The following RAB27B variants were observed in gnomAD, a reference collection of about 807,000 sequenced individuals.
RAB27B encodes the protein ras-related protein Rab-27B.
RAB27B carries 15 observed loss-of-function variants against 24.6 expected under a neutral mutation model. That is an observed-to-expected ratio of 0.61 (90% CI 0.41 to 0.94). RAB27B has a LOEUF of 0.94. Ranked by LOEUF, RAB27B falls within the 40% of genes least tolerant of loss-of-function variation. RAB27B has a pLI of 0.00. For missense variants in RAB27B, 261 were observed against 266.8 expected, an observed-to-expected ratio of 0.98 and a Z score of 0.15; for synonymous variants, 105 against 92.5, an observed-to-expected ratio of 1.14 and a Z score of -0.78.
chr18:54,730,884 A>C (rs1424554129), intron 2 of RAB27B, among the ~76,000 whole-genome samples: 4 of 152,198 alleles, frequency 2.6e-5, no homozygotes, highest in African/African-American at 7.2e-5. Context: ...GAACGTACTA[A>C]CACACTACAT....
At chr18:54,795,970 C>T (rs1274923405) in intron 2 of RAB27B, among the ~76,000 whole-genome samples, 6 of 152,108 alleles carry the variant, frequency 3.9e-5, no homozygotes, top group Non-Finnish European at 7.4e-5. Flanking sequence ...TGTATACACC[C>T]GTGAAGCCAT....
chr18:54,747,241 C>T (rs1910281235), intron 2 of RAB27B, among the ~76,000 whole-genome samples: 3 of 152,054 alleles, frequency 2.0e-5, no homozygotes, highest in Admixed American at 1.3e-4. Context: ...ATCTATCTTG[C>T]GTAACTTTTT....
At chr18:54,782,689 C>T (rs927587310) in intron 2 of RAB27B, among the ~76,000 whole-genome samples, 2 of 152,214 alleles carry the variant, frequency 1.3e-5, no homozygotes, top group African/African-American at 4.8e-5. Flanking sequence ...AAAACACAGA[C>T]TGTTCATACA....
chr18:54,866,320 G>C (rs918633225), intron 1 of RAB27B, among the ~76,000 whole-genome samples: 12 of 151,898 alleles, frequency 7.9e-5, no homozygotes, highest in African/African-American at 2.9e-4. Flanking sequence ...CTCCAATATG[G>C]GGTCTCGCTC....
chr18:54,720,829 C>A (rs1323005454), intron 2 of RAB27B, among the ~76,000 whole-genome samples: 1 of 151,990 alleles, frequency 6.6e-6, no homozygotes, highest in Non-Finnish European at 1.5e-5. Context: ...AAAGATAATT[C>A]CAATTCTAAT....
intron 1 of RAB27B, among the ~76,000 whole-genome samples, chr18:54,830,594 C>T (rs906021965): frequency 2.0e-5 from 3 of 151,968 alleles, no homozygotes; most frequent in Non-Finnish European, 4.4e-5. Context: ...CTAAAGATGG[C>T]TGCCAAATGG....
intron 2 of RAB27B, among the ~76,000 whole-genome samples, chr18:54,729,941 G>A (rs1270135375): frequency 1.3e-5 from 2 of 152,148 alleles, no homozygotes; most frequent in African/African-American, 2.4e-5. Context: ...CTCTCGAAGA[G>A]TTCTAATTTG....
chr18:54,871,849 C>CAAAAA (rs11388519), intron 1 of RAB27B, among the ~76,000 whole-genome samples: 1 of 85,956 alleles, frequency 1.2e-5, no homozygotes, highest in African/African-American at 4.1e-5. Context: ...GACTCCATCT[C>CAAAAA]AAAAAAAAAA....
rs1192929051 is a variant in RAB27B at position 54,768,125 on chromosome 18, A to G, written c.-20+49984A>G. Among the ~76,000 whole-genome samples the G allele has an allele frequency of 4.6e-5, 7 of 152,066 alleles. 1 individual carries two copies. Among genetic ancestry groups the G allele is most frequent in the Admixed American group, 4.6e-4 (7 of 15,252 alleles). On this transcript the variant is annotated intron_variant, in intron 2 of 4. Transcript: ENST00000586570. The stretch of plus-strand genomic sequence containing the variant: ...TGGATGGATACCTGGAGGAGGTAAA[A>G]CTTGGGCTCGAATTTGTGGGATGAG...
intron 1 of RAB27B, among the ~76,000 whole-genome samples, chr18:54,859,753 G>A (rs76563265): frequency 0.025 from 3,780 of 152,268 alleles, 67 homozygotes; most frequent in Non-Finnish European, 0.039. Flanking sequence ...TTTTATATCG[G>A]AAAACACTAG....
At chr18:54,866,255 G>T (rs1431639631) in intron 1 of RAB27B, among the ~76,000 whole-genome samples, 1 of 149,526 alleles carries the variant, frequency 6.7e-6, no homozygotes, top group Non-Finnish European at 1.5e-5. Context: ...ATCCTGGTGG[G>T]ATCCTTCTCC....
At position 54,889,639 on chromosome 18, in the gene RAB27B, T is replaced by C; in HGVS notation, c.*226T>C. Reference sequence around the variant, plus strand: ...TGATCAAAGATTTCCCAATGTGATCTCATCATCATGGATACTCAATTTGTT... The same window carrying C: ...TGATCAAAGATTTCCCAATGTGATCCCATCATCATGGATACTCAATTTGTT... On this transcript the variant is annotated 3_prime_UTR_variant, in exon 6 of 6. Coordinates refer to ENST00000262094, the MANE Select transcript of RAB27B (RefSeq NM_004163.4). 1 of 426,152 alleles carries C rather than the reference T, an allele frequency of 2.3e-6. No homozygotes were observed. The highest frequency in any genetic ancestry group is 4.1e-6 in the Non-Finnish European group (1 of 241,830). The allele number at this position is 426,152 out of a possible 1,614,324, so 26.4% of individuals were successfully genotyped here. A position where few individuals can be genotyped will look rare whatever the true frequency, so the allele number is the denominator to read the frequency against.
chr18:54,837,598 C>A (rs1307012583), intron 1 of RAB27B, among the ~76,000 whole-genome samples: 1 of 151,836 alleles, frequency 6.6e-6, no homozygotes, highest in East Asian at 1.9e-4. Context: ...CGGGTGATCT[C>A]CAAAATCTAT....
intron 2 of RAB27B, among the ~76,000 whole-genome samples, chr18:54,762,599 T>C (rs1908226576): frequency 6.6e-6 from 1 of 152,176 alleles, no homozygotes; most frequent in African/African-American, 2.4e-5. Context: ...CTATTTCCTC[T>C]CTTGGGAGTA....
At chr18:54,884,883 G>T (rs1913070332) in intron 4 of RAB27B, among the ~76,000 whole-genome samples, 1 of 152,110 alleles carries the variant, frequency 6.6e-6, no homozygotes, top group Admixed American at 6.6e-5. Flanking sequence ...TTAATTAGGT[G>T]TGAAACCAGA....
At chr18:54,877,793 G>A in intron 2 of RAB27B, 55 bp downstream of exon 2, 1 of 1,486,720 alleles carries the variant, frequency 6.7e-7, no homozygotes, top group African/African-American at 1.5e-5. Flanking sequence ...TATAAAATAA[G>A]AATCAAGAAG....
intron 2 of RAB27B, among the ~76,000 whole-genome samples, chr18:54,803,446 A>G (rs901376060): frequency 6.6e-6 from 1 of 152,212 alleles, no homozygotes; most frequent in Admixed American, 6.5e-5. Context: ...CAAAATGAGC[A>G]GTTTGCATTT....
intron 2 of RAB27B, among the ~76,000 whole-genome samples, chr18:54,814,033 A>G (rs189798893): frequency 2.6e-5 from 4 of 152,316 alleles, no homozygotes; most frequent in African/African-American, 7.2e-5. Flanking sequence ...GCTGTTTTCA[A>G]TTGCTTAGTT....
intron 1 of RAB27B, among the ~76,000 whole-genome samples, chr18:54,857,290 C>T (rs1911823214): frequency 6.6e-6 from 1 of 152,196 alleles, no homozygotes; most frequent in South Asian, 2.1e-4. Flanking sequence ...ACTCTCTCCT[C>T]TGTTCTCTTC....
Sources: gnomAD v4.1 joint callset for allele counts (sites outside exome capture counted in the v4.1 genomes callset) on GRCh38, gnomAD v4.1.1 for gene constraint, MANE v1.5 for transcripts, NCBI Gene and HGNC (gene_info 2026-07-23, HGNC 2026-07-21) for gene names.